MPRIP: variants seen among roughly 807,000 people sequenced by gnomAD.
MPRIP encodes myosin phosphatase Rho interacting protein, also known as myosin phosphatase Rho-interacting protein.
Under a neutral mutation model 234.9 loss-of-function variants are expected in MPRIP, and 59 were observed. The ratio of observed to expected loss-of-function variants is 0.25; its 90% confidence interval spans 0.20 to 0.31. The LOEUF (loss-of-function observed/expected upper bound fraction) is 0.31. Among genes scored for constraint, MPRIP ranks in the 10% least tolerant of loss-of-function variants. MPRIP has a pLI of 1.00. For missense variants in MPRIP, 2,436 were observed against 3,071.0 expected (o/e 0.79, Z 4.89); for synonymous variants, 1,144 against 1,263.9 (o/e 0.91, Z 2.01).
chr17:17,176,949 AG>A (rs1227837069), intron 21 of MPRIP, among the ~76,000 whole-genome samples: 1 of 152,154 alleles, frequency 6.6e-6, no homozygotes, highest in Non-Finnish European at 1.5e-5. Context: ...GAAGCCCACA[AG>A]GGAGGGGCCT....
At chr17:17,063,238 G>C (rs1026626255) in intron 1 of MPRIP, among the ~76,000 whole-genome samples, 2 of 152,214 alleles carry the variant, frequency 1.3e-5, no homozygotes, top group Non-Finnish European at 2.9e-5. Context: ...TTTCAGCTGG[G>C]TGGGGGTGAC....
intron 6 of MPRIP, 123 bp from the exon 7 acceptor site, chr17:17,137,793 G>A (rs749874183): frequency 1.5e-4 from 109 of 741,952 alleles, no homozygotes; most frequent in Non-Finnish European, 2.2e-4. Flanking sequence ...TGTGCTGGAT[G>A]TTAGAGACGG....
chr17:17,104,149 G>C (rs912682266), intron 3 of MPRIP, among the ~76,000 whole-genome samples: 1 of 152,204 alleles, frequency 6.6e-6, no homozygotes, highest in Non-Finnish European at 1.5e-5. Context: ...ACAGCCTTTA[G>C]GGAATAGGCC....
intron 3 of MPRIP, among the ~76,000 whole-genome samples, chr17:17,121,377 A>G (rs1450577341): frequency 6.6e-6 from 1 of 152,216 alleles, no homozygotes; most frequent in Non-Finnish European, 1.5e-5. Context: ...GCTGTTGACT[A>G]ACATCGTTGT....
At position 17,149,980 on chromosome 17, in the gene MPRIP, AG is replaced by A. The variant is rs2144550566; in HGVS notation, c.1630-160del. 3 of 587,644 alleles carry A rather than the reference AG, an allele frequency of 5.1e-6. No homozygotes were observed. In the South Asian group the frequency reaches 5.7e-5, roughly 11 times the overall value. The allele number at this position is 587,644 out of a possible 1,614,324, so 36.4% of individuals were successfully genotyped here. ...GATGGTGGTGTGATTGCACCCAGTG[AG>A]GGGCCTGGGTCATGCAGTAGTAGGA... On this transcript the variant is annotated intron_variant, in intron 11 of 23. Coordinates refer to ENST00000651222, the MANE Select transcript of MPRIP (RefSeq NM_001364716.4).
rs750542507 is a variant in MPRIP, at chr17:17,175,276, G to T, written c.6751-17G>T. On this transcript the variant is annotated splice_polypyrimidine_tract_variant and intron_variant, in intron 19 of 23. Coordinates refer to ENST00000651222, the MANE Select transcript of MPRIP (RefSeq NM_001364716.4). ...CAGGCAGCTCTGGAGTGTCACTGTT[G>T]TGTTGCTGTCCCCCAGGAGCTGAAC... The T allele has an allele frequency of 1.9e-6, 3 of 1,612,860 alleles. No individual in the cohort carries two copies. In the African/African-American group the frequency reaches 4.0e-5, roughly 22 times the overall value.
At chr17:17,169,197 C>G (rs1052338785) in intron 16 of MPRIP, 4 of 361,258 alleles carry the variant, frequency 1.1e-5, no homozygotes, top group Admixed American at 1.1e-4. Context: ...GTCAGTTCAC[C>G]AAGAGCAGCA....
chr17:17,155,042 G>C (rs1300207224), intron 13 of MPRIP, among the ~76,000 whole-genome samples: 1 of 152,212 alleles, frequency 6.6e-6, no homozygotes, highest in African/African-American at 2.4e-5. Flanking sequence ...AAGCAGAGAA[G>C]ATTCCAGTGT....
rs2144057195 is a variant in MPRIP, at chr17:17,078,266, G to A, written c.267+190G>A. Reference sequence around the variant, plus strand: ...CTTTAAAAACCCAGACCTTTGGTTTGAAACATCATCTTCTGTGGTCTTGAG... The same window carrying A: ...CTTTAAAAACCCAGACCTTTGGTTTAAAACATCATCTTCTGTGGTCTTGAG... On this transcript the variant is annotated intron_variant, in intron 3 of 23. Coordinates refer to ENST00000651222, the MANE Select transcript of MPRIP (RefSeq NM_001364716.4). This position sits in a 1 kb window ranked among gnomAD's most constrained non-coding sequence, Gnocchi z 4.3. 6.6e-6 allele frequency among the ~76,000 whole-genome samples: 1 copy of A among 152,296 alleles called. No homozygotes were observed. The highest frequency in any genetic ancestry group is 2.1e-4 in the South Asian group (1 of 4,832).
chr17:17,147,357 G>C lies in MPRIP; in HGVS notation c.1599G>C (p.Leu533=). The change falls in exon 11 of 24, where the codon CTG becomes CTC. Residue 533 remains leucine (L), a synonymous_variant. Coordinates refer to ENST00000651222, the MANE Select transcript of MPRIP (RefSeq NM_001364716.4). ...GGTTTGTCCTCGCCGATCAAAGCCT[G>C]AGATACTACAGGGATTCAGTGGCTG... The part of the protein sequence containing the change: ...KHWFVLADQS[L]RYYRDSVAEE... 1 of 1,614,180 alleles carries C rather than the reference G, an allele frequency of 6.2e-7. No individual in the cohort carries two copies. The highest frequency in any genetic ancestry group is 1.1e-5 in the South Asian group (1 of 91,082).
Position 17,174,109 on chromosome 17 carries a change from CA to C in MPRIP, c.6750+35del, listed in dbSNP as rs764862854. 7 of 1,607,392 alleles carry C rather than the reference CA, an allele frequency of 4.4e-6. No homozygotes were observed. In the South Asian group the frequency reaches 4.4e-5, roughly 10 times the overall value. On this transcript the variant is annotated intron_variant, in intron 19 of 23. Transcript: ENST00000651222. ...GCAGCCAGGTGAGCCCAAGGTTAGT[CA>C]GGGGCACTCAAGGTCAGGTAGACCC...
At chr17:17,180,419 A>T (rs547102088) in intron 23 of MPRIP, among the ~76,000 whole-genome samples, 1 of 152,100 alleles carries the variant, frequency 6.6e-6, no homozygotes, top group Non-Finnish European at 1.5e-5. Context: ...CTTGCACATC[A>T]CTGTTGTGAC....
At chr17:17,146,370 A>G (rs1300923226) in intron 10 of MPRIP, among the ~76,000 whole-genome samples, 1 of 152,190 alleles carries the variant, frequency 6.6e-6, no homozygotes, top group Non-Finnish European at 1.5e-5. Flanking sequence ...GATGCCTTGT[A>G]ACACTAGCCC....
chr17:17,090,284 G>T (rs1228061787), intron 3 of MPRIP, among the ~76,000 whole-genome samples: 1 of 152,188 alleles, frequency 6.6e-6, no homozygotes, highest in African/African-American at 2.4e-5. Flanking sequence ...ACTAAGGCAG[G>T]CTTGTCCCGC....
chr17:17,158,073 C>T (rs532768133), intron 13 of MPRIP, among the ~76,000 whole-genome samples: 33 of 152,252 alleles, frequency 2.2e-4, no homozygotes, highest in African/African-American at 7.2e-4. Context: ...CTGGGACTCC[C>T]CTGGCTCCAT....
chr17:17,111,362 C>A (rs1437390689), intron 3 of MPRIP, among the ~76,000 whole-genome samples: 2 of 152,202 alleles, frequency 1.3e-5, no homozygotes, highest in East Asian at 1.9e-4. Flanking sequence ...AAGACCAGCA[C>A]CCTGGCCATG....
At chr17:17,137,589 G>T (rs1201573117) in intron 6 of MPRIP, among the ~76,000 whole-genome samples, 1 of 152,122 alleles carries the variant, frequency 6.6e-6, no homozygotes, top group Non-Finnish European at 1.5e-5. Context: ...GCGGTTGGTG[G>T]TGGGGGTCTT....
intron 14 of MPRIP, among the ~76,000 whole-genome samples, chr17:17,159,859 T>C (rs896623318): frequency 6.6e-6 from 1 of 152,258 alleles, no homozygotes; most frequent in African/African-American, 2.4e-5. Flanking sequence ...GCCTCAAGCT[T>C]CTCATCTTTT....
chr17:17,178,036 T>G (rs997867915), intron 22 of MPRIP, among the ~76,000 whole-genome samples: 3 of 151,806 alleles, frequency 2.0e-5, no homozygotes, highest in Non-Finnish European at 4.4e-5. Context: ...TTCTCCCACC[T>G]TAGCCTCCCC....
Sources: gnomAD v4.1 joint callset for allele counts (sites outside exome capture counted in the v4.1 genomes callset) on GRCh38, gnomAD v4.1.1 for gene constraint, Gnocchi (gnomAD v3.1) non-coding constraint, MANE v1.5 for transcripts, NCBI Gene and HGNC (gene_info 2026-07-23, HGNC 2026-07-21) for gene names.